Variants in FHIP2A observed in about 807,000 individuals in gnomAD.
The protein encoded by FHIP2A is family with sequence similarity 160 member B1.
A neutral mutation model predicts 93.5 loss-of-function variants in FHIP2A; 46 were observed. The observed-to-expected ratio is 0.49, with a 90% CI of 0.39 to 0.63. The LOEUF (loss-of-function observed/expected upper bound fraction) is 0.63. Among genes scored for constraint, FHIP2A ranks in the 20% least tolerant of loss-of-function variants. The pLI, the probability that FHIP2A is intolerant of heterozygous loss-of-function variation, is 0.00. For missense variants in FHIP2A, 769 were observed against 909.7 expected (o/e 0.85, Z 1.99); for synonymous variants, 332 against 326.5 (o/e 1.02, Z -0.18).
chr10:114,832,243 AT>A (rs2083611973), intron 2 of FHIP2A, among the ~76,000 whole-genome samples: 1 of 152,194 alleles, frequency 6.6e-6, no homozygotes, highest in Non-Finnish European at 1.5e-5. Context: ...TTATTTTATT[AT>A]AAGAAATCAA....
In FHIP2A at chr10:114,836,208, C is replaced by A; in HGVS notation, c.484C>A (p.Leu162Met). Residue 162 changes from leucine (L) to methionine (M), a missense_variant, in exon 5 of 17, where the codon CTG becomes ATG. Leu to Met is a conservative substitution (Grantham distance 15). Transcript: ENST00000369248. ...IQFLCIVCAK[L>M]KQDPYLVNFF... is the part of the protein sequence containing the mutation. Reference sequence around the variant, plus strand: ...GTTTCTTTGCATTGTGTGTGCGAAGCTGAAACAGGACCCCTACCTGGTTAA... The same window carrying A: ...GTTTCTTTGCATTGTGTGTGCGAAGATGAAACAGGACCCCTACCTGGTTAA... The A allele has an allele frequency of 6.2e-7, 1 of 1,601,510 alleles. No homozygotes were observed. The highest frequency in any genetic ancestry group is 8.5e-7 in the Non-Finnish European group (1 of 1,171,168).
At chr10:114,856,247 G>A (rs61868014) in intron 14 of FHIP2A, among the ~76,000 whole-genome samples, 3,101 of 152,256 alleles carry the variant, frequency 0.02, 51 homozygotes, top group Middle Eastern at 0.048. Context: ...TTAGAGTTTA[G>A]TCAGCGTTGT....
intron 5 of FHIP2A, among the ~76,000 whole-genome samples, chr10:114,836,498 G>C (rs2083637681): frequency 1.3e-5 from 2 of 152,150 alleles, no homozygotes; most frequent in Admixed American, 6.5e-5. Context: ...CTTAAAAGAG[G>C]ACAGCTTGAA....
intron 16 of FHIP2A, among the ~76,000 whole-genome samples, chr10:114,870,392 TA>T (rs2083853768): frequency 6.6e-6 from 1 of 151,942 alleles, no homozygotes; most frequent in Non-Finnish European, 1.5e-5. Flanking sequence ...AATATATATA[TA>T]TATATCTTTT....
intron 2 of FHIP2A, among the ~76,000 whole-genome samples, chr10:114,832,553 G>C (rs1314266285): frequency 4.0e-5 from 6 of 151,846 alleles, no homozygotes; most frequent in African/African-American, 1.5e-4. Context: ...TTCTGAACTG[G>C]CTAAGTGAAA....
intron 12 of FHIP2A, among the ~76,000 whole-genome samples, chr10:114,847,882 G>A (rs891536551): frequency 2.4e-4 from 37 of 151,958 alleles, no homozygotes; most frequent in African/African-American, 8.9e-4. Context: ...GAGTAGCTGG[G>A]ATTACAGTCG....
chr10:114,875,756 A>G (rs1194548670), intron 16 of FHIP2A, among the ~76,000 whole-genome samples: 1 of 151,004 alleles, frequency 6.6e-6, no homozygotes, highest in Admixed American at 6.6e-5. Flanking sequence ...AAGAAAGAGA[A>G]AGAAAGAAAG....
At position 114,863,404 on chromosome 10, in the gene FHIP2A, A is replaced by G. The variant is rs2083811981; in HGVS notation, c.*1864A>G. 2.9e-6 allele frequency: 3 copies of G among 1,047,914 alleles called. No individual in the cohort carries two copies. Among genetic ancestry groups the G allele is most frequent in the African/African-American group, 3.4e-5 (2 of 58,054 alleles). The allele number at this position is 1,047,914 out of a possible 1,614,324, so 64.9% of individuals were successfully genotyped here. On this transcript the variant is annotated 3_prime_UTR_variant, in exon 17 of 17. Transcript: ENST00000369248. ...ATAGTGCTCAATAGGTGTAGTAGCA[A>G]TGATATTACCTCTGAAACCAAATAC... is the stretch of plus-strand genomic sequence containing the variant.
At chr10:114,828,778 A>T (rs753533247) in intron 1 of FHIP2A, among the ~76,000 whole-genome samples, 29 of 151,738 alleles carry the variant, frequency 1.9e-4, no homozygotes, top group Non-Finnish European at 3.5e-4. Context: ...AAAGATTTTA[A>T]CTCCTTTCTT....
At chr10:114,830,537 G>A (rs1277171875) in intron 1 of FHIP2A, among the ~76,000 whole-genome samples, 1 of 152,114 alleles carries the variant, frequency 6.6e-6, no homozygotes, top group East Asian at 1.9e-4. Context: ...CTCCCAGAGT[G>A]CTGGGATTAG....
chr10:114,895,704 A>G (rs2083997706), intron 16 of FHIP2A, among the ~76,000 whole-genome samples: 1 of 152,210 alleles, frequency 6.6e-6, no homozygotes, highest in Non-Finnish European at 1.5e-5. Context: ...GTGAGTAAAT[A>G]CATGGTAGCA....
Position 114,862,453 on chromosome 10 carries a change from C to A in FHIP2A, c.*913C>A. 2.0e-6 allele frequency: 2 copies of A among 987,532 alleles called. No individual in the cohort carries two copies. The highest frequency in any genetic ancestry group is 2.4e-6 in the Non-Finnish European group (2 of 830,102). The allele number at this position is 987,532 out of a possible 1,614,324, so 61.2% of individuals were successfully genotyped here. On this transcript the variant is annotated 3_prime_UTR_variant, in exon 17 of 17. Transcript: ENST00000369248. Reference sequence around the variant, plus strand: ...TGGTGGTGTCTAGGTGGGGAACTGACTGATAACCCTTGGCAGCAATCAAAG... The same window carrying A: ...TGGTGGTGTCTAGGTGGGGAACTGAATGATAACCCTTGGCAGCAATCAAAG...
chr10:114,880,407 C>T (rs1190207788), intron 16 of FHIP2A, among the ~76,000 whole-genome samples: 1 of 152,150 alleles, frequency 6.6e-6, no homozygotes, highest in Non-Finnish European at 1.5e-5. Flanking sequence ...AGGCTGGGTG[C>T]AGGGGCTCAT....
chr10:114,822,884 G>C (rs1335892725), intron 1 of FHIP2A, among the ~76,000 whole-genome samples: 5 of 152,166 alleles, frequency 3.3e-5, no homozygotes, highest in African/African-American at 1.2e-4. Context: ...TCCTTTGAGG[G>C]TTTTAGACAC....
intron 15 of FHIP2A, 104 bp from the exon 16 acceptor site, chr10:114,861,127 C>T (rs1210785234): frequency 7.6e-6 from 11 of 1,439,682 alleles, no homozygotes; most frequent in South Asian, 4.1e-5. Flanking sequence ...TGAAAGTTTA[C>T]GTTCTTTATT....
rs138273981 is a variant in FHIP2A at position 114,885,182 on chromosome 10, G to A, written c.2193-14308G>A. ...GGTCGCAGCAGGTGGATCACCTGAGGTCAGGAGTTTGAGACCAGCCTGACC... is the reference window on the plus strand; with the variant it reads ...GGTCGCAGCAGGTGGATCACCTGAGATCAGGAGTTTGAGACCAGCCTGACC... On this transcript the variant is annotated intron_variant, in intron 16 of 16. Coordinates refer to the FHIP2A transcript ENST00000369250. 6.6e-5 allele frequency among the ~76,000 whole-genome samples: 10 copies of A among 152,098 alleles called. No individual in the cohort carries two copies. The East Asian group carries it at 1.9e-3, about 30-fold the overall frequency.
chr10:114,831,611 C>T (rs1345556588), intron 2 of FHIP2A, among the ~76,000 whole-genome samples: 2 of 152,098 alleles, frequency 1.3e-5, no homozygotes, highest in Non-Finnish European at 2.9e-5. Flanking sequence ...GCTTACAAAT[C>T]GTCTTTTACT....
chr10:114,866,872 A>G (rs2083831716), downstream of FHIP2A, among the ~76,000 whole-genome samples: 1 of 152,230 alleles, frequency 6.6e-6, no homozygotes, highest in South Asian at 2.1e-4. Flanking sequence ...CTTTTGGGTT[A>G]TAGTCTTACT....
chr10:114,851,478 T>G (rs1247593950), intron 13 of FHIP2A, among the ~76,000 whole-genome samples: 2 of 152,052 alleles, frequency 1.3e-5, no homozygotes, highest in Non-Finnish European at 2.9e-5. Flanking sequence ...AAAAGGGTAT[T>G]TTCCGTGTAT....
Sources: allele counts gnomAD v4.1 joint callset (sites outside exome capture counted in the v4.1 genomes callset), GRCh38; gene constraint gnomAD v4.1.1; transcripts MANE v1.5; gene names NCBI Gene and HGNC (gene_info 2026-07-23, HGNC 2026-07-21).